The following PTPRT variants were observed in gnomAD, a reference collection of about 807,000 sequenced individuals.
PTPRT encodes the protein protein tyrosine phosphatase receptor type T, also known as receptor-type tyrosine-protein phosphatase T.
PTPRT carries 56 observed loss-of-function variants against 176.8 expected under a neutral mutation model. That is an observed-to-expected ratio of 0.32 (90% CI 0.26 to 0.40). The LOEUF is 0.40. Among genes scored for constraint, PTPRT ranks in the 10% least tolerant of loss-of-function variants. The pLI is 1.00. For synonymous variants in PTPRT, 783 were observed against 739.0 expected, an observed-to-expected ratio of 1.06 and a Z score of -0.96; for missense variants, 1,540 against 1,908.2, an observed-to-expected ratio of 0.81 and a Z score of 3.60.
At chr20:42,256,524 A>C (rs560517039) in intron 13 of PTPRT, among the ~76,000 whole-genome samples, 1 of 151,942 alleles carries the variant, frequency 6.6e-6, no homozygotes, top group Non-Finnish European at 1.5e-5. Flanking sequence ...TGTATTTCAG[A>C]TACTTTACGC....
intron 6 of PTPRT, among the ~76,000 whole-genome samples, chr20:42,729,966 G>T (rs557766396): frequency 6.6e-6 from 1 of 152,120 alleles, no homozygotes; most frequent in Non-Finnish European, 1.5e-5. Flanking sequence ...CATATGCCAC[G>T]CACTGTGCTA....
intron 7 of PTPRT, among the ~76,000 whole-genome samples, chr20:42,655,916 C>A (rs1444809817): frequency 1.3e-5 from 2 of 152,104 alleles, no homozygotes; most frequent in Non-Finnish European, 2.9e-5. Context: ...TTGTTGAAGT[C>A]ATGGAACAGG....
At chr20:42,462,663 A>C (rs1168332908) in intron 8 of PTPRT, among the ~76,000 whole-genome samples, 2 of 152,080 alleles carry the variant, frequency 1.3e-5, no homozygotes, top group African/African-American at 2.4e-5. Context: ...GAGGGGTTAG[A>C]GGTTATTTAA....
intron 11 of PTPRT, among the ~76,000 whole-genome samples, chr20:42,344,959 T>G (rs562827780): frequency 1.5e-3 from 227 of 152,158 alleles, no homozygotes; most frequent in Non-Finnish European, 2.6e-3. Flanking sequence ...CCTCATTCCC[T>G]AGGTCTCAAT....
chr20:42,564,173 A>G (rs895660680), intron 7 of PTPRT, among the ~76,000 whole-genome samples: 1 of 152,226 alleles, frequency 6.6e-6, no homozygotes, highest in Non-Finnish European at 1.5e-5. Flanking sequence ...CTGTATACCC[A>G]GCAACCGCCT....
intron 9 of PTPRT, among the ~76,000 whole-genome samples, chr20:42,418,982 G>A (rs191303414): frequency 7.6e-4 from 116 of 152,308 alleles, no homozygotes; most frequent in Middle Eastern, 6.8e-3. Flanking sequence ...GTCCATCAGC[G>A]TATCCCAACT....
intron 15 of PTPRT, among the ~76,000 whole-genome samples, chr20:42,213,667 A>G (rs570848033): frequency 3.9e-4 from 60 of 152,208 alleles, no homozygotes; most frequent in Non-Finnish European, 8.1e-4. Context: ...ACAGAAGTGC[A>G]CTGGAAGAAT....
chr20:42,139,787 T>G (rs1182469661), intron 18 of PTPRT, among the ~76,000 whole-genome samples: 2 of 152,232 alleles, frequency 1.3e-5, no homozygotes, highest in Non-Finnish European at 2.9e-5. Flanking sequence ...GAGCAGAGAA[T>G]GCTGGGGACC....
At chr20:42,212,973 T>G (rs532396563) in intron 15 of PTPRT, among the ~76,000 whole-genome samples, 1 of 152,278 alleles carries the variant, frequency 6.6e-6, no homozygotes, top group Non-Finnish European at 1.5e-5. Context: ...GAGATTCTAA[T>G]TTAATTGGTC....
intron 9 of PTPRT, among the ~76,000 whole-genome samples, chr20:42,358,317 T>C (rs1167951415): frequency 6.6e-6 from 1 of 152,060 alleles, no homozygotes; most frequent in Admixed American, 6.5e-5. Flanking sequence ...AGCATCTTTG[T>C]GGCTGCAGAA....
intron 1 of PTPRT, among the ~76,000 whole-genome samples, chr20:42,891,319 G>C (rs936766892): frequency 2.6e-5 from 4 of 152,234 alleles, no homozygotes; most frequent in African/African-American, 9.6e-5. Flanking sequence ...GGGGAGGACA[G>C]GGAAGTGCAG....
rs1983166016 is a variant in PTPRT, at chr20:42,080,071, C to T, written c.*808G>A. The T allele has an allele frequency of 8.6e-6, 2 of 232,762 alleles. No homozygotes were observed. The highest frequency in any genetic ancestry group is 1.7e-5 in the Non-Finnish European group (2 of 117,782). The allele number at this position is 232,762 out of a possible 1,614,324, so 14.4% of individuals were successfully genotyped here. A position where few individuals can be genotyped will look rare whatever the true frequency, so the allele number is the denominator to read the frequency against. ...ACCAAAGAAACACAGGGGTTACATCCTACAGGTCAGCCCAAGCCCTGCCCC... is the reference window on the plus strand; with the variant it reads ...ACCAAAGAAACACAGGGGTTACATCTTACAGGTCAGCCCAAGCCCTGCCCC... On this transcript the variant is annotated 3_prime_UTR_variant, in exon 31 of 31. Transcript: ENST00000373187.
chr20:43,075,562 A>G (rs1821357080), intron 1 of PTPRT, among the ~76,000 whole-genome samples: 1 of 152,248 alleles, frequency 6.6e-6, no homozygotes, highest in African/African-American at 2.4e-5. Flanking sequence ...CAGCATCCCA[A>G]GTGAAATGTG....
At chr20:42,210,365 T>C (rs2055591222) in intron 15 of PTPRT, among the ~76,000 whole-genome samples, 3 of 151,988 alleles carry the variant, frequency 2.0e-5, no homozygotes, top group Admixed American at 2.0e-4. Flanking sequence ...ATTGTCCCTG[T>C]TTGCAGATGA....
At chr20:42,559,135 T>C (rs942974708) in intron 7 of PTPRT, among the ~76,000 whole-genome samples, 3 of 152,310 alleles carry the variant, frequency 2.0e-5, no homozygotes, top group African/African-American at 2.4e-5. Context: ...GAATAGAACA[T>C]TGTAGAGGCT....
Position 42,814,925 on chromosome 20 carries a change from C to T in PTPRT, c.215-23459G>A, listed in dbSNP as rs569741820. The stretch of plus-strand genomic sequence containing the variant: ...CATAACAGAGGGGAAAAAAGTACAA[C>T]AGAAGAGAGAAAAGAGATAGAACAA... On this transcript the variant is annotated intron_variant, in intron 2 of 30. Transcript: ENST00000373187. Among the ~76,000 whole-genome samples the T allele has an allele frequency of 4.6e-5, 7 of 151,770 alleles. No individual in the cohort carries two copies. The East Asian group carries it at 1.2e-3, about 25-fold the overall frequency.
intron 6 of PTPRT, among the ~76,000 whole-genome samples, chr20:42,686,597 C>T (rs1239026105): frequency 1.3e-5 from 2 of 150,110 alleles, no homozygotes; most frequent in African/African-American, 4.9e-5. Flanking sequence ...GATTCTCCTG[C>T]CTCAGCCTCC....
intron 2 of PTPRT, among the ~76,000 whole-genome samples, chr20:42,863,888 C>T (rs781640370): frequency 2.0e-5 from 3 of 152,208 alleles, no homozygotes; most frequent in Non-Finnish European, 4.4e-5. Context: ...GGGTCCAGCC[C>T]CACCTCTGCA....
chr20:42,313,119 G>C (rs2057661157), intron 12 of PTPRT, among the ~76,000 whole-genome samples: 1 of 152,072 alleles, frequency 6.6e-6, no homozygotes, highest in South Asian at 2.1e-4. Context: ...GTGACCTCTG[G>C]TAGACCTCAC....
Sources: gnomAD v4.1 joint callset for allele counts (sites outside exome capture counted in the v4.1 genomes callset) on GRCh38, gnomAD v4.1.1 for gene constraint, MANE v1.5 for transcripts, NCBI Gene and HGNC (gene_info 2026-07-23, HGNC 2026-07-21) for gene names.